Variants in TENM2 observed in about 807,000 individuals in gnomAD.
TENM2 encodes the protein teneurin-2.
In TENM2, 52 loss-of-function variants were observed where a neutral mutation model predicts 245.2. That is an observed-to-expected ratio of 0.21 (90% CI 0.17 to 0.27). The LOEUF is 0.27. TENM2 is among the 10% of genes least tolerant of loss of function. The pLI is 1.00. For missense variants in TENM2, 3,046 were observed against 3,666.8 expected (o/e 0.83, Z 4.37); for synonymous variants, 1,363 against 1,438.9 (o/e 0.95, Z 1.19).
chr5:167,975,138 A>C (rs1271513906), intron 4 of TENM2, among the ~76,000 whole-genome samples: 1 of 152,260 alleles, frequency 6.6e-6, no homozygotes, highest in Non-Finnish European at 1.5e-5. Flanking sequence ...ATTTCAATTT[A>C]CCATGCCTCG....
chr5:167,621,363 T>C (rs1471864048), intron 2 of TENM2, among the ~76,000 whole-genome samples: 1 of 152,092 alleles, frequency 6.6e-6, no homozygotes, highest in Non-Finnish European at 1.5e-5. Context: ...TGAGCTGAAA[T>C]CTAAATGACC....
chr5:167,834,567 G>C (rs1265962145), intron 2 of TENM2, among the ~76,000 whole-genome samples: 1 of 150,804 alleles, frequency 6.6e-6, no homozygotes, highest in Admixed American at 6.6e-5. Flanking sequence ...TTCCATGAAA[G>C]AAAGAAAGAC....
At chr5:168,065,884 C>T (rs2152110492) in intron 7 of TENM2, among the ~76,000 whole-genome samples, 1 of 150,384 alleles carries the variant, frequency 6.6e-6, no homozygotes, top group Non-Finnish European at 1.5e-5. Flanking sequence ...TATGCTACAC[C>T]ATTAGTGGCT....
chr5:167,678,032 T>C (rs1368313565), intron 2 of TENM2, among the ~76,000 whole-genome samples: 1 of 152,044 alleles, frequency 6.6e-6, no homozygotes, highest in African/African-American at 2.4e-5. Context: ...ATATTTGTGG[T>C]ATATTGTAAT....
chr5:168,172,409 T>C (rs1186182285), intron 13 of TENM2, among the ~76,000 whole-genome samples: 1 of 152,188 alleles, frequency 6.6e-6, no homozygotes, highest in East Asian at 1.9e-4. Flanking sequence ...TCACCCACAT[T>C]GCCTAAATAA....
intron 3 of TENM2, among the ~76,000 whole-genome samples, chr5:167,886,564 GT>G (rs1273525608): frequency 6.6e-6 from 1 of 152,190 alleles, no homozygotes; most frequent in Non-Finnish European, 1.5e-5. Context: ...AGCAAAGCAT[GT>G]TATTTATAGA....
chr5:167,980,413 A>C (rs1363614301), intron 4 of TENM2, among the ~76,000 whole-genome samples: 1 of 152,174 alleles, frequency 6.6e-6, no homozygotes, highest in African/African-American at 2.4e-5. Context: ...GGAGCCATGC[A>C]ATGAGAAGAC....
intron 23 of TENM2, among the ~76,000 whole-genome samples, chr5:168,222,567 G>T (rs1204289129): frequency 6.6e-6 from 1 of 152,182 alleles, no homozygotes; most frequent in Non-Finnish European, 1.5e-5. Context: ...TCTCCTCTTT[G>T]TCCTGGGAAG....
chr5:167,645,825 A>G lies in TENM2; in HGVS notation c.503-230161A>G, dbSNP rs138937191. ...TATGTAAAAGGAAAAACAAAAGGCA[A>G]ATATATACACACACCTATATATGTA... On this transcript the variant is annotated intron_variant, in intron 2 of 28. Transcript: ENST00000518659. Among the ~76,000 whole-genome samples, 213 of 152,124 alleles carry G rather than the reference A, an allele frequency of 1.4e-3. 2 individuals are homozygous for G. In the East Asian group the frequency reaches 0.032, roughly 23 times the overall value.
At chr5:167,781,300 A>G (rs1764170900) in intron 2 of TENM2, among the ~76,000 whole-genome samples, 1 of 152,252 alleles carries the variant, frequency 6.6e-6, no homozygotes, top group Non-Finnish European at 1.5e-5. Flanking sequence ...CCTAAGACAT[A>G]GAGACAAGGT....
intron 2 of TENM2, among the ~76,000 whole-genome samples, chr5:167,465,970 C>A (rs1357490419): frequency 1.3e-5 from 2 of 152,238 alleles, no homozygotes; most frequent in South Asian, 4.1e-4. Flanking sequence ...AATATTGATT[C>A]TGGTTCCTAA....
At chr5:168,235,868 G>A (rs55883445) in intron 25 of TENM2, among the ~76,000 whole-genome samples, 2,867 of 152,082 alleles carry the variant, frequency 0.019, 86 homozygotes, top group African/African-American at 0.065. Flanking sequence ...GAGCTAATAC[G>A]GAATATATGA....
chr5:167,039,598 T>C, the TENM2 span, among the ~76,000 whole-genome samples: 198 of 133,318 alleles, frequency 1.5e-3, 1 homozygote, highest in Non-Finnish European at 2.5e-3. Flanking sequence ...TGGTAGCAGA[T>C]GCAAATGTCA....
At chr5:167,828,174 G>A (rs979147612) in intron 2 of TENM2, among the ~76,000 whole-genome samples, 4 of 152,154 alleles carry the variant, frequency 2.6e-5, no homozygotes, top group African/African-American at 4.8e-5. Context: ...TTACAGATGA[G>A]GAAAAGAAGT....
the TENM2 span, among the ~76,000 whole-genome samples, chr5:167,270,527 A>G: frequency 2.6e-5 from 4 of 151,894 alleles, no homozygotes; most frequent in African/African-American, 9.7e-5. Flanking sequence ...CTTCATCATG[A>G]TCTCTCTCTC....
intron 2 of TENM2, among the ~76,000 whole-genome samples, chr5:167,774,271 G>A (rs992174690): frequency 2.0e-5 from 3 of 147,152 alleles, no homozygotes; most frequent in Non-Finnish European, 4.4e-5. Context: ...ATTCTCAGGT[G>A]GAGTTAATTC....
chr5:167,635,322 G>A lies in TENM2; in HGVS notation c.503-240664G>A, dbSNP rs187185940. 4.0e-3 allele frequency among the ~76,000 whole-genome samples: 615 copies of A among 152,260 alleles called. 4 individuals carry two copies. The highest frequency in any genetic ancestry group is 0.016 in the Admixed American group (243 of 15,294). The stretch of plus-strand genomic sequence containing the variant: ...TTGTATCTACGTAAGACTACTGAGA[G>A]TAGCAAACCACAGTTTGTTTTTTCC... On this transcript the variant is annotated intron_variant, in intron 2 of 28. Transcript: ENST00000518659.
At chr5:167,446,699 T>G (rs1582071100) in intron 2 of TENM2, among the ~76,000 whole-genome samples, 2 of 150,574 alleles carry the variant, frequency 1.3e-5, no homozygotes, top group South Asian at 4.2e-4. Context: ...TCAACTTTTT[T>G]GGGGGGGGGG....
chr5:167,326,877 T>C (rs1757121004), intron 1 of TENM2, among the ~76,000 whole-genome samples: 1 of 151,766 alleles, frequency 6.6e-6, no homozygotes, highest in Admixed American at 6.6e-5. Flanking sequence ...AAGAAATAGT[T>C]TCTGTCTCAA....
Sources: allele counts gnomAD v4.1 joint callset (sites outside exome capture counted in the v4.1 genomes callset), GRCh38; gene constraint gnomAD v4.1.1; transcripts MANE v1.5; gene names NCBI Gene and HGNC (gene_info 2026-07-23, HGNC 2026-07-21).